The following JARID2 variants were observed in gnomAD, a reference collection of about 807,000 sequenced individuals.
JARID2 encodes the protein protein Jumonji.
A neutral mutation model predicts 125.6 loss-of-function variants in JARID2; 21 were observed. The ratio of observed to expected loss-of-function variants is 0.17; its 90% CI spans 0.12 to 0.24. The LOEUF (loss-of-function observed/expected upper bound fraction) is 0.24. Among genes scored for constraint, JARID2 ranks in the 10% least tolerant of loss-of-function variants. The pLI is 1.00. For synonymous variants in JARID2, 736 were observed against 661.6 expected, an observed-to-expected ratio of 1.11 and a Z score of -1.73; for missense variants, 1,303 against 1,639.6, an observed-to-expected ratio of 0.79 and a Z score of 3.55.
At chr6:15,297,917 GAA>G (rs11364502) in intron 1 of JARID2, among the ~76,000 whole-genome samples, 4 of 147,140 alleles carry the variant, frequency 2.7e-5, no homozygotes, top group African/African-American at 4.9e-5. Flanking sequence ...AGTGGAAAAA[GAA>G]AAAAAAAAAG....
intron 4 of JARID2, among the ~76,000 whole-genome samples, chr6:15,462,851 G>A (rs998845415): frequency 6.6e-6 from 1 of 152,244 alleles, no homozygotes; most frequent in Admixed American, 6.5e-5. Context: ...CAATTTTATA[G>A]AAACCACAGC....
Position 15,520,062 on chromosome 6 carries a change from CA to C in JARID2, c.3559-4del. Reference sequence around the variant, plus strand: ...GTTAACTGTGTCTTCCTTTCACCCCCAAACAGGAACAGATTATCAGTCTGGT... The same window carrying C: ...GTTAACTGTGTCTTCCTTTCACCCCCAACAGGAACAGATTATCAGTCTGGT... On this transcript the variant is annotated splice_polypyrimidine_tract_variant and splice_region_variant and intron_variant, in intron 17 of 17. Transcript: ENST00000341776. 6.2e-7 allele frequency: 1 copy of C among 1,608,010 alleles called. No individual in the cohort carries two copies. The highest frequency in any genetic ancestry group is 1.1e-5 in the South Asian group (1 of 90,214).
chr6:15,334,327 A>G (rs1288735192), intron 1 of JARID2, among the ~76,000 whole-genome samples: 1 of 99,914 alleles, frequency 1.0e-5, no homozygotes, highest in African/African-American at 3.1e-5. Context: ...CAATAGGAAC[A>G]TGAGCCCTAG....
At chr6:15,328,598 A>G (rs1762606911) in intron 1 of JARID2, among the ~76,000 whole-genome samples, 1 of 152,170 alleles carries the variant, frequency 6.6e-6, no homozygotes, top group African/African-American at 2.4e-5. Flanking sequence ...TGATGTATAC[A>G]ATTGTTTATC....
At chr6:15,464,431 G>T (rs1332921041) in intron 4 of JARID2, among the ~76,000 whole-genome samples, 1 of 152,332 alleles carries the variant, frequency 6.6e-6, no homozygotes, top group East Asian at 1.9e-4. Context: ...CTGGAGGTCT[G>T]TTCCTTCTAG....
chr6:15,355,342 T>C (rs1763561499), intron 1 of JARID2, among the ~76,000 whole-genome samples: 1 of 152,242 alleles, frequency 6.6e-6, no homozygotes, highest in African/African-American at 2.4e-5. Context: ...AAATTTTTAC[T>C]CAAAGTGATT....
At chr6:15,351,607 G>A (rs905053058) in intron 1 of JARID2, among the ~76,000 whole-genome samples, 4 of 152,116 alleles carry the variant, frequency 2.6e-5, no homozygotes, top group African/African-American at 9.7e-5. Flanking sequence ...ATCACACAAG[G>A]CTACCGACTT....
intron 3 of JARID2, among the ~76,000 whole-genome samples, chr6:15,415,221 C>A (rs182725871): frequency 3.3e-4 from 50 of 152,350 alleles, no homozygotes; most frequent in African/African-American, 1.2e-3. Flanking sequence ...CCTCCCTCTA[C>A]ACAGACATGG....
intron 6 of JARID2, among the ~76,000 whole-genome samples, chr6:15,489,871 CCCT>C (rs1278095264): frequency 6.6e-6 from 1 of 152,212 alleles, no homozygotes; most frequent in Non-Finnish European, 1.5e-5. Flanking sequence ...CCCACTTTCT[CCCT>C]CTTCCCTCTC....
At chr6:15,294,447 C>T (rs1409554286) in intron 1 of JARID2, among the ~76,000 whole-genome samples, 1 of 152,204 alleles carries the variant, frequency 6.6e-6, no homozygotes, top group Non-Finnish European at 1.5e-5. Context: ...CCACCTTGGC[C>T]TCCCAAAGTG....
At chr6:15,380,764 A>G (rs1367021582) in intron 2 of JARID2, among the ~76,000 whole-genome samples, 1 of 152,186 alleles carries the variant, frequency 6.6e-6, no homozygotes, top group African/African-American at 2.4e-5. Context: ...GTGTGGAATG[A>G]AATGTGGGCC....
intron 13 of JARID2, 126 bp from the exon 14 acceptor site, chr6:15,512,082 A>G (rs901951576): frequency 2.6e-6 from 2 of 776,672 alleles, no homozygotes; most frequent in Admixed American, 5.8e-5. Flanking sequence ...ACGTCTTTTT[A>G]TTTTCCACAT....
chr6:15,367,482 A>C (rs1041154666), intron 1 of JARID2, among the ~76,000 whole-genome samples: 2 of 152,174 alleles, frequency 1.3e-5, no homozygotes, highest in African/African-American at 2.4e-5. Context: ...CAAACCAATA[A>C]TTTTAATTTT....
intron 6 of JARID2, among the ~76,000 whole-genome samples, chr6:15,492,558 A>G (rs1000653043): frequency 2.0e-5 from 3 of 152,184 alleles, no homozygotes; most frequent in African/African-American, 7.2e-5. Flanking sequence ...CCAGGCCAGG[A>G]AAAGGGGTGT....
At chr6:15,362,601 A>G (rs1260968794) in intron 1 of JARID2, among the ~76,000 whole-genome samples, 2 of 152,168 alleles carry the variant, frequency 1.3e-5, no homozygotes, top group Non-Finnish European at 2.9e-5. Context: ...CTGTAAGGGA[A>G]GTTAGGCTGA....
intron 7 of JARID2, among the ~76,000 whole-genome samples, chr6:15,498,640 G>A (rs1770578957): frequency 6.6e-6 from 1 of 152,230 alleles, no homozygotes; most frequent in Admixed American, 6.5e-5. Context: ...GGATTTGGCA[G>A]CAAGATAGGC....
intron 4 of JARID2, among the ~76,000 whole-genome samples, chr6:15,462,218 C>G (rs559465211): frequency 6.6e-6 from 1 of 152,262 alleles, no homozygotes; most frequent in East Asian, 1.9e-4. Context: ...CTGGATCTGG[C>G]AAATACTTTT....
At chr6:15,262,641 A>G (rs993021204) in intron 1 of JARID2, among the ~76,000 whole-genome samples, 1 of 149,730 alleles carries the variant, frequency 6.7e-6, no homozygotes, top group African/African-American at 2.5e-5. Flanking sequence ...CTGTTCAAGC[A>G]ATTCTCTTGC....
intron 3 of JARID2, among the ~76,000 whole-genome samples, chr6:15,450,867 G>C (rs1326738293): frequency 1.3e-5 from 2 of 152,238 alleles, no homozygotes; most frequent in Non-Finnish European, 2.9e-5. Flanking sequence ...AACAAACTGG[G>C]CTGGGTGTGG....
Sources: allele counts gnomAD v4.1 joint callset (sites outside exome capture counted in the v4.1 genomes callset), GRCh38; gene constraint gnomAD v4.1.1; transcripts MANE v1.5; gene names NCBI Gene and HGNC (gene_info 2026-07-23, HGNC 2026-07-21).